The following LOXL1 variants were observed in gnomAD, a reference collection of about 807,000 sequenced individuals.
LOXL1 encodes the protein lysyl oxidase like 1.
LOXL1 carries 31 observed loss-of-function variants against 62.2 expected under a neutral mutation model. The ratio of observed to expected loss-of-function variants is 0.50; its 90% confidence interval spans 0.37 to 0.67. The LOEUF (loss-of-function observed/expected upper bound fraction) is 0.67, where lower values mean the gene tolerates loss of function less well. Ranked by LOEUF, LOXL1 falls within the 30% of genes least tolerant of loss-of-function variation. LOXL1 has a pLI of 0.00. For missense variants in LOXL1, 775 were observed against 843.4 expected (o/e 0.92, Z 1.00); for synonymous variants, 403 against 384.4 (o/e 1.05, Z -0.56).
intron 1 of LOXL1, among the ~76,000 whole-genome samples, chr15:73,935,934 G>GTGTGTGTGTGTGT (rs143682434): frequency 7.6e-6 from 1 of 131,838 alleles, no homozygotes; most frequent in Non-Finnish European, 1.6e-5. Flanking sequence ...AGGTAGAGCT[G>GTGTGTGTGTGTGT]GTGTGTGTGT....
intron 1 of LOXL1, among the ~76,000 whole-genome samples, chr15:73,935,638 T>G (rs1031059327): frequency 6.6e-6 from 1 of 151,996 alleles, no homozygotes; most frequent in Admixed American, 6.5e-5. Context: ...GAAATGTGCA[T>G]TAGGTGTGCA....
Position 73,927,403 on chromosome 15 carries a change from C to T in LOXL1, c.620C>T (p.Pro207Leu). 1.3e-6 allele frequency: 2 copies of T among 1,548,876 alleles called. No individual in the cohort carries two copies. Among genetic ancestry groups the T allele is most frequent in the Non-Finnish European group, 1.7e-6 (2 of 1,149,512 alleles). ...GACCAGGGTTTCGTGTACTACCGGC[C>T]CGCGGGCGGCGGCGTGGGCGCGGGG... ...TYDQGFVYYR[P>L]AGGGVGAGAA... The change falls in exon 1 of 7, where the codon CCC becomes CTC. Residue 207 changes from proline to leucine, a missense_variant. Physicochemically the swap from Pro to Leu is moderately conservative, Grantham distance 98 (BLOSUM62 -3). Coordinates refer to ENST00000261921, the MANE Select transcript of LOXL1 (RefSeq NM_005576.4).
chr15:73,934,562 G>A (rs2068657772), intron 1 of LOXL1, among the ~76,000 whole-genome samples: 1 of 152,218 alleles, frequency 6.6e-6, no homozygotes, highest in South Asian at 2.1e-4. Flanking sequence ...CCTGGCTGCA[G>A]AAGGCAGATA....
In LOXL1 at chr15:73,927,781, C is replaced by A; in HGVS notation, c.998C>A (p.Pro333Gln). 4 of 1,423,386 alleles carry A rather than the reference C, an allele frequency of 2.8e-6. No individual in the cohort carries two copies. The highest frequency in any genetic ancestry group is 6.1e-5 in the East Asian group (2 of 33,044). The allele number at this position is 1,423,386 out of a possible 1,614,324, so 88.2% of individuals were successfully genotyped here. The part of the protein sequence containing the change: ...PPRALEPPYL[P>Q]VRSSDTPPPG... The stretch of plus-strand genomic sequence containing the variant: ...CGCGCGCTGGAGCCGCCCTACCTGC[C>A]GGTGCGCAGCTCCGACACGCCCCCG... The change falls in exon 1 of 7, where the codon CCG (proline) becomes CAG (glutamine). Residue 333 changes from proline to glutamine, a missense_variant. Transcript: ENST00000261921.
At chr15:73,947,693 CCAGGGT>C in intron 4 of LOXL1, 108 bp from the exon 5 acceptor site, 1 of 732,126 alleles carries the variant, frequency 1.4e-6, no homozygotes, top group Non-Finnish European at 2.4e-6. Flanking sequence ...TTGCCCTGGG[CCAGGGT>C]CAGGGGAGAA....
At chr15:73,942,641 G>T (rs145040049) in intron 1 of LOXL1, among the ~76,000 whole-genome samples, 1 of 152,112 alleles carries the variant, frequency 6.6e-6, no homozygotes, top group Non-Finnish European at 1.5e-5. Context: ...CTCCCACACC[G>T]CAGAGCTCGA....
At chr15:73,928,683 G>A (rs1362700785) in intron 1 of LOXL1, among the ~76,000 whole-genome samples, 2 of 150,692 alleles carry the variant, frequency 1.3e-5, no homozygotes, top group Non-Finnish European at 3.0e-5. Context: ...GGTATGCCGA[G>A]CCATATTGGA....
chr15:73,949,871 C>T (rs2068772318), intron 6 of LOXL1, among the ~76,000 whole-genome samples: 1 of 152,170 alleles, frequency 6.6e-6, no homozygotes, highest in African/African-American at 2.4e-5. Flanking sequence ...GCTCTGCAGT[C>T]CCAGTTCCAC....
intron 5 of LOXL1, among the ~76,000 whole-genome samples, chr15:73,948,950 T>A (rs140332713): frequency 1.2e-3 from 181 of 152,362 alleles, no homozygotes; most frequent in African/African-American, 4.2e-3. Context: ...TTTAAAAGTG[T>A]TGTATCCCAA....
In LOXL1 at chr15:73,935,235, C is replaced by G. The variant is rs183933619; in HGVS notation, c.1102+7350C>G. ...GTGGAGAGTCAGCCAGGGGAACCGA[C>G]AGGAGGCTGTTCCAGAGAGTAGGAA... On this transcript the variant is annotated intron_variant, in intron 1 of 6. Transcript: ENST00000261921. 1.8e-4 allele frequency among the ~76,000 whole-genome samples: 28 copies of G among 152,290 alleles called. No individual in the cohort carries two copies. In the East Asian group the frequency reaches 5.2e-3, roughly 28 times the overall value.
intron 1 of LOXL1, among the ~76,000 whole-genome samples, chr15:73,940,343 C>T (rs1480096787): frequency 6.6e-6 from 1 of 152,122 alleles, no homozygotes; most frequent in Non-Finnish European, 1.5e-5. Flanking sequence ...AGTCTCTCTT[C>T]CAATTCTCCA....
In LOXL1 at chr15:73,951,872, T is replaced by C. The variant is rs1376774589; in HGVS notation, c.*35T>C. Reference sequence around the variant, plus strand: ...GGGACAGATGGCCAATCTCTCCCCTTCCAAAGCAGGCCCTGCTCCCCGGGC... The same window carrying C: ...GGGACAGATGGCCAATCTCTCCCCTCCCAAAGCAGGCCCTGCTCCCCGGGC... On this transcript the variant is annotated 3_prime_UTR_variant, in exon 7 of 7. Transcript: ENST00000261921. The C allele has an allele frequency of 2.0e-6, 3 of 1,511,800 alleles. No homozygotes were observed. Among genetic ancestry groups the C allele is most frequent in the Non-Finnish European group, 2.7e-6 (3 of 1,123,064 alleles). The allele number at this position is 1,511,800 out of a possible 1,614,324, so 93.6% of individuals were successfully genotyped here.
chr15:73,937,078 C>G (rs1169236437), intron 1 of LOXL1, among the ~76,000 whole-genome samples: 1 of 152,198 alleles, frequency 6.6e-6, no homozygotes, highest in Non-Finnish European at 1.5e-5. Flanking sequence ...GGAGCTTCCC[C>G]CCTGAGAAGG....
rs971231371 is a variant in LOXL1 at position 73,930,600 on chromosome 15, G to C, written c.1102+2715G>C. ...ATTCCTCCTGGCCACACACCCAGGG[G>C]TCTGAGGCTGGGCGCTGGCAGCCTG... On this transcript the variant is annotated intron_variant, in intron 1 of 6. Transcript: ENST00000261921. This position sits in a 1 kb window ranked among gnomAD's most constrained non-coding sequence, Gnocchi z 4.7. Among the ~76,000 whole-genome samples the C allele has an allele frequency of 1.3e-5, 2 of 152,176 alleles. No individual in the cohort carries two copies. Among genetic ancestry groups the C allele is most frequent in the Admixed American group, 6.5e-5 (1 of 15,284 alleles).
chr15:73,946,609 C>T, intron 3 of LOXL1, 55 bp downstream of exon 3: 2 of 1,547,990 alleles, frequency 1.3e-6, no homozygotes, highest in Non-Finnish European at 1.7e-6. Flanking sequence ...GGGCCAGGGA[C>T]CTTGGTGCCT....
At position 73,926,768 on chromosome 15, in the gene LOXL1, C is replaced by T. The variant is rs1303027752; in HGVS notation, c.-16C>T. 2.1e-6 allele frequency: 3 copies of T among 1,397,234 alleles called. No individual in the cohort carries two copies. The highest frequency in any genetic ancestry group is 6.3e-5 in the Admixed American group (2 of 31,704). The allele number at this position is 1,397,234 out of a possible 1,614,324, so 86.6% of individuals were successfully genotyped here. On this transcript the variant is annotated 5_prime_UTR_variant, in exon 1 of 7. Coordinates refer to ENST00000261921, the MANE Select transcript of LOXL1 (RefSeq NM_005576.4). ...GAGAGCCTCTCTGTCCACCAGGCCTCTGCAGAGGGGTCACCATGGCTCTGG... is the reference window on the plus strand; with the variant it reads ...GAGAGCCTCTCTGTCCACCAGGCCTTTGCAGAGGGGTCACCATGGCTCTGG...
intron 5 of LOXL1, 111 bp from the exon 6 acceptor site, chr15:73,949,348 C>CT: frequency 1.3e-6 from 1 of 743,160 alleles, no homozygotes; most frequent in South Asian, 1.5e-5. Context: ...CTCCCTCTCT[C>CT]TGTCACCTCT....
chr15:73,946,054 G>A (rs1309751813), intron 2 of LOXL1, among the ~76,000 whole-genome samples: 65 of 152,282 alleles, frequency 4.3e-4, no homozygotes, highest in Non-Finnish European at 5.9e-5. Context: ...CTGTTTTTCA[G>A]TGGCCCTTCA....
At chr15:73,940,722 C>G (rs2068708086) in intron 1 of LOXL1, among the ~76,000 whole-genome samples, 1 of 152,104 alleles carries the variant, frequency 6.6e-6, no homozygotes, top group African/African-American at 2.4e-5. Flanking sequence ...AGAGGTCAGT[C>G]TGTGACCAAG....
Sources: gnomAD v4.1 joint callset for allele counts (sites outside exome capture counted in the v4.1 genomes callset) on GRCh38, gnomAD v4.1.1 for gene constraint, Gnocchi (gnomAD v3.1) non-coding constraint, MANE v1.5 for transcripts, NCBI Gene and HGNC (gene_info 2026-07-23, HGNC 2026-07-21) for gene names.